Variants in DHX36 observed in about 807,000 individuals in gnomAD.
DHX36 encodes the protein DEAH-box helicase 36.
DHX36 carries 50 observed loss-of-function variants against 139.0 expected under a neutral mutation model. The observed-to-expected ratio is 0.36, with a 90% CI of 0.29 to 0.46. The LOEUF (loss-of-function observed/expected upper bound fraction) is 0.46, where lower values mean the gene tolerates loss of function less well. Ranked by LOEUF, DHX36 falls within the 20% of genes least tolerant of loss-of-function variation. The pLI is 1.00. For missense variants in DHX36, 1,024 were observed against 1,211.3 expected, an observed-to-expected ratio of 0.85 and a Z score of 2.29; for synonymous variants, 425 against 401.9, an observed-to-expected ratio of 1.06 and a Z score of -0.69.
Position 154,306,289 on chromosome 3 carries a change from C to T in DHX36, c.820G>A (p.Glu274Lys). 1 of 1,612,712 alleles carries T rather than the reference C, an allele frequency of 6.2e-7. No homozygotes were observed. The highest frequency in any genetic ancestry group is 2.2e-5 in the East Asian group (1 of 44,816). Residue 274 changes from glutamate to lysine, a missense_variant, in exon 6 of 25, where the codon GAA (glutamate) becomes AAA (lysine). This residue lies in a region of DHX36 where 146 missense variants were observed against 215.0 expected (regional missense o/e 0.68). Coordinates refer to ENST00000496811, the MANE Select transcript of DHX36 (RefSeq NM_020865.3). ...TCTGCCCTTTCTGCAGCTACTCTTT[C>T]CGCAACCTTTAATTCAAATAAAACA... ...PRRISAISVA[E>K]RVAAERAESC...
At position 154,315,179 on chromosome 3, in the gene DHX36, A is replaced by C; in HGVS notation, c.470T>G (p.Ile157Ser). 1 of 1,613,280 alleles carries C rather than the reference A, an allele frequency of 6.2e-7. No individual in the cohort carries two copies. The highest frequency in any genetic ancestry group is 8.5e-7 in the Non-Finnish European group (1 of 1,179,616). Residue 157 changes from isoleucine (I) to serine (S), a missense_variant, in exon 3 of 25, where the codon ATC (isoleucine) becomes AGC (serine). Transcript: ENST00000496811. ...LINQEKKMFR[I>S]RNRSYIDRDS... ...TCGGTCAATATATGATCTGTTCCTG[A>C]TTCTAAACATTTTTTTTTCTTGATT... is the stretch of plus-strand genomic sequence containing the variant.
chr3:154,313,080 T>C (rs1271376351), intron 3 of DHX36, among the ~76,000 whole-genome samples: 1 of 151,216 alleles, frequency 6.6e-6, no homozygotes, highest in African/African-American at 2.4e-5. Flanking sequence ...AACTTACTTA[T>C]CTTGTAATAA....
At chr3:154,305,247 A>C in intron 6 of DHX36, 79 bp from the exon 7 acceptor site, 3 of 1,212,740 alleles carry the variant, frequency 2.5e-6, no homozygotes, top group Non-Finnish European at 3.5e-6. Context: ...TATATCTTCA[A>C]TTTTAGAAAT....
chr3:154,314,349 C>G (rs940800021), intron 3 of DHX36, among the ~76,000 whole-genome samples: 1 of 152,294 alleles, frequency 6.6e-6, no homozygotes, highest in Admixed American at 6.5e-5. Context: ...GCCAAGGGAT[C>G]CTTTCTTTCC....
At chr3:154,300,522 G>C (rs956722939) in intron 11 of DHX36, 72 bp downstream of exon 11, 3 of 1,207,368 alleles carry the variant, frequency 2.5e-6, no homozygotes, top group Admixed American at 2.1e-5. Flanking sequence ...TAAGAAAACT[G>C]TATTTTTCAT....
At chr3:154,277,249 C>A (rs1719178859) in intron 23 of DHX36, among the ~76,000 whole-genome samples, 1 of 152,066 alleles carries the variant, frequency 6.6e-6, no homozygotes, top group South Asian at 2.1e-4. Context: ...TAAACAGAAT[C>A]TCAACATGCT....
At chr3:154,313,626 G>A (rs925627273) in intron 3 of DHX36, among the ~76,000 whole-genome samples, 3 of 152,156 alleles carry the variant, frequency 2.0e-5, no homozygotes, top group Admixed American at 2.0e-4. Flanking sequence ...GCTGCAGTGA[G>A]CCATGATGGC....
intron 17 of DHX36, among the ~76,000 whole-genome samples, chr3:154,287,590 C>T (rs1711590541): frequency 6.6e-6 from 1 of 151,904 alleles, no homozygotes; most frequent in African/African-American, 2.4e-5. Context: ...GTGGAGGTTG[C>T]AGGCTGCAGT....
intron 3 of DHX36, among the ~76,000 whole-genome samples, chr3:154,312,561 G>A (rs1304520973): frequency 1.3e-5 from 2 of 151,562 alleles, no homozygotes; most frequent in Admixed American, 1.3e-4. Flanking sequence ...GGAAAAAATC[G>A]GCTGGGTATG....
At chr3:154,277,573 T>C (rs1719190417) in intron 23 of DHX36, 25 bp downstream of exon 23, 1 of 1,580,398 alleles carries the variant, frequency 6.3e-7, no homozygotes, top group Admixed American at 1.8e-5. Context: ...AATCAGATCC[T>C]TAATTATTTT....
intron 2 of DHX36, among the ~76,000 whole-genome samples, chr3:154,315,565 T>C (rs978580103): frequency 6.6e-6 from 1 of 152,144 alleles, no homozygotes; most frequent in Non-Finnish European, 1.5e-5. Flanking sequence ...CTTACAGTGT[T>C]TCTCTTTTTC....
intron 5 of DHX36, 25 bp downstream of exon 5, chr3:154,309,628 T>A: frequency 5.1e-6 from 8 of 1,558,476 alleles, no homozygotes; most frequent in Non-Finnish European, 6.9e-6. Flanking sequence ...AAAGACAATT[T>A]TTAATAAGTT....
At position 154,273,243 on chromosome 3, in the gene DHX36, A is replaced by G. The variant is rs1030646217; in HGVS notation, c.*2928T>C. 6.6e-6 allele frequency: 1 copy of G among 152,170 alleles called. No individual in the cohort carries two copies. The allele number at this position is 152,170 out of a possible 1,614,324, so 9.4% of individuals were successfully genotyped here. On this transcript the variant is annotated 3_prime_UTR_variant, in exon 25 of 25. Coordinates refer to ENST00000496811, the MANE Select transcript of DHX36 (RefSeq NM_020865.3). Reference sequence around the variant, plus strand: ...GCCCTATTTTGTAAACAAAAGAAACAGAATGTAAGTAGCACCTTGGATTAA... The same window carrying G: ...GCCCTATTTTGTAAACAAAAGAAACGGAATGTAAGTAGCACCTTGGATTAA...
chr3:154,312,875 ATATATATATATATATATATATATAT>A lies in DHX36; in HGVS notation c.604-1226_604-1202del, dbSNP rs1712821882. ...AAAATATATATATATATATATATAT[ATATATATATATATATATATATATAT>A]AAAATAAATAAAGAACTGTCTTTGG... is the stretch of plus-strand genomic sequence containing the variant. On this transcript the variant is annotated intron_variant, in intron 3 of 24. Transcript: ENST00000496811. Among the ~76,000 whole-genome samples the A allele has an allele frequency of 9.0e-5, 10 of 110,642 alleles. 1 individual carries two copies. Among genetic ancestry groups the A allele is most frequent in the Admixed American group, 7.7e-4 (8 of 10,390 alleles). 72.6% of individuals were successfully genotyped at this position (110,642 alleles called of 152,430 possible).
Position 154,280,679 on chromosome 3 carries a change from G to T in DHX36, c.2477-10C>A. 1.2e-6 allele frequency: 2 copies of T among 1,609,698 alleles called. No homozygotes were observed. Among genetic ancestry groups the T allele is most frequent in the Non-Finnish European group, 8.5e-7 (1 of 1,176,450 alleles). On this transcript the variant is annotated splice_polypyrimidine_tract_variant and intron_variant, in intron 21 of 24. Coordinates refer to ENST00000496811, the MANE Select transcript of DHX36 (RefSeq NM_020865.3). ...ATTATCTTCTCATTATCTATGGGGG[G>T]TGAGAAGGTAGAGGGGAAAAGAAAA...
At chr3:154,292,311 T>C (rs1355594216) in intron 15 of DHX36, among the ~76,000 whole-genome samples, 1 of 152,166 alleles carries the variant, frequency 6.6e-6, no homozygotes, top group Non-Finnish European at 1.5e-5. Flanking sequence ...ATAAGTAACA[T>C]AACTTATTAA....
At chr3:154,319,628 A>C (rs1365994478) in intron 1 of DHX36, among the ~76,000 whole-genome samples, 1 of 152,064 alleles carries the variant, frequency 6.6e-6, no homozygotes, top group African/African-American at 2.4e-5. Flanking sequence ...CTTCACTGAA[A>C]TTTACCTTGC....
intron 4 of DHX36, among the ~76,000 whole-genome samples, chr3:154,310,397 T>C (rs898308563): frequency 2.0e-5 from 3 of 152,136 alleles, no homozygotes; most frequent in Non-Finnish European, 2.9e-5. Flanking sequence ...TAATATTCAC[T>C]GTATAAACGA....
intron 1 of DHX36, among the ~76,000 whole-genome samples, chr3:154,319,517 TTTCTC>T (rs2108369204): frequency 6.6e-6 from 1 of 152,286 alleles, no homozygotes; most frequent in Non-Finnish European, 1.5e-5. Context: ...AATTTATCCT[TTTCTC>T]TTTTCTTTCT....
Sources: allele counts gnomAD v4.1 joint callset (sites outside exome capture counted in the v4.1 genomes callset), GRCh38; gene constraint gnomAD v4.1.1; regional missense constraint gnomAD v4.1.1; transcripts MANE v1.5; gene names NCBI Gene and HGNC (gene_info 2026-07-23, HGNC 2026-07-21).